The following INSL6 variants were observed in gnomAD, a reference collection of about 807,000 sequenced individuals.
The protein encoded by INSL6 is insulin like 6.
INSL6 carries 16 observed loss-of-function variants against 9.4 expected under a neutral mutation model. The ratio of observed to expected loss-of-function variants is 1.70; its 90% CI spans 1.15 to 2.59. INSL6 has a LOEUF of 2.59. Ranked by LOEUF, INSL6 falls within the 30% of genes most tolerant of loss-of-function variation. The probability of loss-of-function intolerance (pLI) is 0.00; values close to 1 mark genes in which losing one functional copy is unlikely to be tolerated. For synonymous variants in INSL6, 154 were observed against 96.9 expected (o/e 1.59, Z -3.46); for missense variants, 391 against 257.3 (o/e 1.52, Z -3.56).
At chr9:5,157,474 G>C (rs539103406) in intron 2 of INSL6, among the ~76,000 whole-genome samples, 3 of 152,078 alleles carry the variant, frequency 2.0e-5, no homozygotes, top group South Asian at 4.1e-4. Context: ...ATTTTTGTAA[G>C]GCATAGCCTT....
At chr9:5,140,275 TCAGG>T (rs1824471132) in intron 2 of INSL6, among the ~76,000 whole-genome samples, 1 of 152,212 alleles carries the variant, frequency 6.6e-6, no homozygotes, top group South Asian at 2.1e-4. Flanking sequence ...ATCAGAACTC[TCAGG>T]CAGAACTCAT....
chr9:5,089,917 G>A, the INSL6 span: 4 of 1,232,378 alleles, frequency 3.2e-6, no homozygotes, highest in Non-Finnish European at 4.3e-6. Flanking sequence ...TTGGCATCCT[G>A]TGTAATATAA....
At chr9:5,042,728 C>G in the INSL6 span, among the ~76,000 whole-genome samples, 7 of 152,190 alleles carry the variant, frequency 4.6e-5, no homozygotes, top group Admixed American at 4.6e-4. Flanking sequence ...CCAGGCCCAC[C>G]TGGGAGGGAC....
At chr9:5,070,191 A>T in the INSL6 span, 1 of 504,850 alleles carries the variant, frequency 2.0e-6, no homozygotes, top group Non-Finnish European at 3.3e-6. Context: ...TCTTATGAAA[A>T]ATATGCCAAC....
At chr9:5,099,970 C>G in the INSL6 span, 8 of 152,168 alleles carry the variant, frequency 5.3e-5, no homozygotes, top group African/African-American at 1.9e-4. Flanking sequence ...GCCACTTATC[C>G]CTATACTAGT....
At chr9:5,042,957 G>A in the INSL6 span, among the ~76,000 whole-genome samples, 1 of 152,218 alleles carries the variant, frequency 6.6e-6, no homozygotes, top group African/African-American at 2.4e-5. Flanking sequence ...CCTGTTCCCC[G>A]AGGCTGTGCT....
At chr9:5,070,052 T>C in the INSL6 span, 1 of 1,597,222 alleles carries the variant, frequency 6.3e-7, no homozygotes, top group South Asian at 1.1e-5. Flanking sequence ...ATTTGATATT[T>C]GTAAGTCATT....
At chr9:5,030,736 A>G in the INSL6 span, among the ~76,000 whole-genome samples, 6 of 152,054 alleles carry the variant, frequency 3.9e-5, no homozygotes, top group Non-Finnish European at 7.4e-5. Context: ...GTGCTCTCTC[A>G]ATAAATTTTA....
At chr9:5,018,623 GC>G in the INSL6 span, among the ~76,000 whole-genome samples, 2 of 152,208 alleles carry the variant, frequency 1.3e-5, no homozygotes, top group African/African-American at 4.8e-5. Flanking sequence ...ACAGGCTTGA[GC>G]CACTGTGCCT....
chr9:5,155,172 G>C (rs1398390144), intron 2 of INSL6, among the ~76,000 whole-genome samples: 1 of 151,858 alleles, frequency 6.6e-6, no homozygotes, highest in Non-Finnish European at 1.5e-5. Context: ...CATGTCCTTT[G>C]TAGGGACATG....
chr9:5,034,281 C>A, the INSL6 span, among the ~76,000 whole-genome samples: 18 of 152,086 alleles, frequency 1.2e-4, no homozygotes, highest in Non-Finnish European at 1.5e-5. Flanking sequence ...GACTTCCACA[C>A]AATAATAATG....
the INSL6 span, among the ~76,000 whole-genome samples, chr9:4,992,867 G>A: frequency 6.6e-6 from 1 of 152,188 alleles, no homozygotes; most frequent in African/African-American, 2.4e-5. Flanking sequence ...CCAGTTCCTT[G>A]ATTAGGTCTC....
the INSL6 span, among the ~76,000 whole-genome samples, chr9:5,091,898 C>G: frequency 6.6e-6 from 1 of 151,998 alleles, no homozygotes; most frequent in African/African-American, 2.4e-5. Flanking sequence ...GGTGGTTACA[C>G]CTAGGGCTGT....
At chr9:5,131,781 G>A (rs953794144) in intron 3 of INSL6, among the ~76,000 whole-genome samples, 7 of 152,228 alleles carry the variant, frequency 4.6e-5, no homozygotes, top group African/African-American at 9.6e-5. Context: ...TATATAAGCC[G>A]TCATGTGCAG....
At chr9:5,173,949 C>A (rs1825241954) in intron 1 of INSL6, among the ~76,000 whole-genome samples, 1 of 152,144 alleles carries the variant, frequency 6.6e-6, no homozygotes, top group South Asian at 2.1e-4. Context: ...CTTGCATCGA[C>A]TCCCTTTGCC....
chr9:5,090,327 TAA>T, the INSL6 span: 1 of 698,314 alleles, frequency 1.4e-6, no homozygotes, highest in Admixed American at 3.2e-5. Context: ...TAATGTATAA[TAA>T]AGTTTTGTCA....
In INSL6 at chr9:5,158,575, T is replaced by C. The variant is rs185682922; in HGVS notation, c.376+5604A>G. 2.6e-5 allele frequency among the ~76,000 whole-genome samples: 4 copies of C among 152,104 alleles called. No homozygotes were observed. The East Asian group carries it at 7.7e-4, about 29-fold the overall frequency. On this transcript the variant is annotated intron_variant, in intron 2 of 3. Transcript: ENST00000649639. ...CCTTACAGGCCAGGAGAGAGTGGCATGACATATTTAAAGTGTTAAAGGAAA... is the reference window on the plus strand; with the variant it reads ...CCTTACAGGCCAGGAGAGAGTGGCACGACATATTTAAAGTGTTAAAGGAAA...
chr9:5,148,087 C>T (rs1209812069), intron 2 of INSL6, among the ~76,000 whole-genome samples: 1 of 152,192 alleles, frequency 6.6e-6, no homozygotes, highest in Non-Finnish European at 1.5e-5. Context: ...AGCTAACAGG[C>T]TCCTTTGGAG....
intron 2 of INSL6, among the ~76,000 whole-genome samples, chr9:5,157,809 C>T (rs552511402): frequency 4.6e-5 from 7 of 152,194 alleles, no homozygotes; most frequent in African/African-American, 1.7e-4. Context: ...CCACAAGCAT[C>T]AAGACTACCC....
Sources: gnomAD v4.1 joint callset for allele counts (sites outside exome capture counted in the v4.1 genomes callset) on GRCh38, gnomAD v4.1.1 for gene constraint, MANE v1.5 for transcripts, NCBI Gene and HGNC (gene_info 2026-07-23, HGNC 2026-07-21) for gene names.